The following PPARGC1A variants were observed in gnomAD, a reference collection of about 807,000 sequenced individuals.
PPARGC1A encodes peroxisome proliferator-activated receptor gamma coactivator 1-alpha.
PPARGC1A carries 25 observed loss-of-function variants against 88.7 expected under a neutral mutation model. That is an observed-to-expected ratio of 0.28 (90% confidence interval 0.21 to 0.39). The LOEUF (loss-of-function observed/expected upper bound fraction) is 0.39. Among genes scored for constraint, PPARGC1A ranks in the 10% least tolerant of loss-of-function variants. The pLI, the probability that PPARGC1A is intolerant of heterozygous loss-of-function variation, is 1.00. For synonymous variants in PPARGC1A, 363 were observed against 355.6 expected, an observed-to-expected ratio of 1.02 and a Z score of -0.24; for missense variants, 880 against 968.7, an observed-to-expected ratio of 0.91 and a Z score of 1.22.
the PPARGC1A span, among the ~76,000 whole-genome samples, chr4:24,055,534 T>C: frequency 3.3e-5 from 5 of 152,202 alleles, no homozygotes; most frequent in Non-Finnish European, 5.9e-5. Context: ...ACCCATTTCA[T>C]GGGAGCACAG....
chr4:24,213,180 T>TC, the PPARGC1A span, among the ~76,000 whole-genome samples: 1 of 150,196 alleles, frequency 6.7e-6, no homozygotes, highest in African/African-American at 2.5e-5. Flanking sequence ...TTTTTTTTTT[T>TC]TTTTGAGACA....
the PPARGC1A span, among the ~76,000 whole-genome samples, chr4:23,950,973 T>C: frequency 2.0e-5 from 3 of 152,132 alleles, no homozygotes; most frequent in Non-Finnish European, 4.4e-5. Flanking sequence ...TAAGGCTACC[T>C]TGAGGATTAC....
chr4:24,044,633 C>A, the PPARGC1A span, among the ~76,000 whole-genome samples: 4 of 152,164 alleles, frequency 2.6e-5, no homozygotes, highest in Non-Finnish European at 4.4e-5. Flanking sequence ...TGCGATATTT[C>A]AGACATCATA....
At chr4:23,912,857 C>T in the PPARGC1A span, among the ~76,000 whole-genome samples, 1 of 150,746 alleles carries the variant, frequency 6.6e-6, no homozygotes, top group Admixed American at 6.6e-5. Context: ...GGCGGGATCT[C>T]TGCTCACTAC....
At chr4:24,125,117 A>G in the PPARGC1A span, among the ~76,000 whole-genome samples, 91 of 152,302 alleles carry the variant, frequency 6.0e-4, no homozygotes, top group Non-Finnish European at 1.0e-3. Context: ...CTCAAAATGT[A>G]TTTTATGATC....
At chr4:24,230,464 G>A in the PPARGC1A span, among the ~76,000 whole-genome samples, 11,966 of 152,148 alleles carry the variant, frequency 0.079, 677 homozygotes, top group African/African-American at 0.15. Context: ...CAAGAGATGT[G>A]GTTGACTCAC....
chr4:24,147,334 G>A, the PPARGC1A span, among the ~76,000 whole-genome samples: 3 of 152,220 alleles, frequency 2.0e-5, no homozygotes, highest in African/African-American at 7.2e-5. Flanking sequence ...GCTAGGGGTT[G>A]TTTCCCAGCT....
the PPARGC1A span, among the ~76,000 whole-genome samples, chr4:24,395,605 T>C: frequency 3.9e-5 from 6 of 152,240 alleles, no homozygotes. Context: ...CATGCTACTG[T>C]GGAAATAGGA....
At chr4:23,983,579 G>A in the PPARGC1A span, among the ~76,000 whole-genome samples, 1 of 152,140 alleles carries the variant, frequency 6.6e-6, no homozygotes, top group Non-Finnish European at 1.5e-5. Context: ...AGTTTGAAAT[G>A]TGAAGATGCA....
At chr4:23,913,083 G>C in the PPARGC1A span, among the ~76,000 whole-genome samples, 2 of 149,944 alleles carry the variant, frequency 1.3e-5, no homozygotes, top group Admixed American at 6.7e-5. Flanking sequence ...GGGATTACAG[G>C]CGTGAGCCAC....
the PPARGC1A span, among the ~76,000 whole-genome samples, chr4:23,923,883 G>A: frequency 1.3e-5 from 2 of 152,040 alleles, no homozygotes; most frequent in Non-Finnish European, 2.9e-5. Flanking sequence ...TGCTCTAGTG[G>A]AAGCTATGTC....
the PPARGC1A span, among the ~76,000 whole-genome samples, chr4:23,992,493 C>T: frequency 6.6e-6 from 1 of 151,860 alleles, no homozygotes; most frequent in East Asian, 1.9e-4. Flanking sequence ...AAACTGGCAC[C>T]TCGAGTAGTT....
At chr4:24,040,565 G>C in the PPARGC1A span, among the ~76,000 whole-genome samples, 1 of 152,036 alleles carries the variant, frequency 6.6e-6, no homozygotes, top group Non-Finnish European at 1.5e-5. Context: ...TCCAAATAAA[G>C]CTTTTTAAGA....
the PPARGC1A span, among the ~76,000 whole-genome samples, chr4:24,185,609 A>T: frequency 6.6e-6 from 1 of 152,168 alleles, no homozygotes; most frequent in Non-Finnish European, 1.5e-5. Flanking sequence ...AGCTCTTTGT[A>T]TGGGTGATTT....
chr4:24,329,580 T>C, the PPARGC1A span, among the ~76,000 whole-genome samples: 1 of 152,274 alleles, frequency 6.6e-6, no homozygotes, highest in East Asian at 1.9e-4. Context: ...TCCTTATCCT[T>C]GTTCCAGGTT....
chr4:23,889,800 T>C (rs1470848462), intron 1 of PPARGC1A, 104 bp downstream of exon 1: 11 of 1,388,318 alleles, frequency 7.9e-6, no homozygotes, highest in African/African-American at 1.4e-5. Flanking sequence ...TGGACTACTT[T>C]CCTGGCTCCT....
At chr4:23,990,755 TA>T in the PPARGC1A span, among the ~76,000 whole-genome samples, 1 of 152,052 alleles carries the variant, frequency 6.6e-6, no homozygotes, top group African/African-American at 2.4e-5. Flanking sequence ...ATCCAAGACC[TA>T]GGCACAATTT....
the PPARGC1A span, among the ~76,000 whole-genome samples, chr4:24,121,770 A>C: frequency 6.6e-6 from 1 of 152,206 alleles, no homozygotes; most frequent in South Asian, 2.1e-4. Context: ...TCATATTTTC[A>C]TTACAAATAA....
At chr4:23,970,901 A>G in the PPARGC1A span, among the ~76,000 whole-genome samples, 1 of 152,098 alleles carries the variant, frequency 6.6e-6, no homozygotes, top group Non-Finnish European at 1.5e-5. Flanking sequence ...ACTTTTGTCT[A>G]TTTCCTAGTA....
Sources: allele counts gnomAD v4.1 joint callset (sites outside exome capture counted in the v4.1 genomes callset), GRCh38; gene constraint gnomAD v4.1.1; transcripts MANE v1.5; gene names NCBI Gene and HGNC (gene_info 2026-07-23, HGNC 2026-07-21).